Variants in SNAPC4 observed in about 807,000 individuals in gnomAD.
The protein encoded by SNAPC4 is snRNA-activating protein complex subunit 4.
In SNAPC4, 127 loss-of-function variants were observed where a neutral mutation model predicts 151.3. That is an observed-to-expected ratio of 0.84 (90% CI 0.73 to 0.97). The LOEUF is 0.97. SNAPC4 is among the 50% of genes least tolerant of loss of function. The probability of loss-of-function intolerance (pLI) is 0.00; values close to 1 mark genes in which losing one functional copy is unlikely to be tolerated. For synonymous variants in SNAPC4, 1,002 were observed against 824.4 expected (o/e 1.22, Z -3.69); for missense variants, 2,186 against 1,935.0 (o/e 1.13, Z -2.43).
At chr9:136,376,011 G>A (rs940479164) in intron 23 of SNAPC4, among the ~76,000 whole-genome samples, 17 of 152,198 alleles carry the variant, frequency 1.1e-4, no homozygotes, top group Admixed American at 1.0e-3. Context: ...TGGGGATGGT[G>A]ATCGTTTTAC....
intron 21 of SNAPC4, 121 bp downstream of exon 21, chr9:136,379,716 A>T: frequency 1.1e-6 from 1 of 942,114 alleles, no homozygotes; most frequent in Non-Finnish European, 1.7e-6. Context: ...GAGCTCTGTC[A>T]CCAGGGGCCA....
Position 136,383,447 on chromosome 9 carries a change from A to C in SNAPC4, c.1722T>G (p.Pro574=), listed in dbSNP as rs1335825336. The change falls in exon 16 of 24, where the codon CCT becomes CCG. Residue 574 remains proline (P), a synonymous_variant. Coordinates refer to ENST00000684778, the MANE Select transcript of SNAPC4 (RefSeq NM_003086.4). The surrounding 1 kb of genome is among the most constrained non-coding windows in gnomAD (Gnocchi z 4.2). ...YMVPDMDLWV[P]ARQSTSQPWR... ...ATGGCTGGCTGGTGCTCTGCCTGGCAGGAACCCACAGGTCCATGTCCGGGA... is the reference window on the plus strand; with the variant it reads ...ATGGCTGGCTGGTGCTCTGCCTGGCCGGAACCCACAGGTCCATGTCCGGGA... 8.3e-6 allele frequency: 13 copies of C among 1,561,602 alleles called. No homozygotes were observed. In the East Asian group the frequency reaches 2.9e-4, roughly 35 times the overall value.
intron 1 of SNAPC4, among the ~76,000 whole-genome samples, chr9:136,399,625 C>G (rs146178708): frequency 6.6e-6 from 1 of 152,128 alleles, no homozygotes; most frequent in Non-Finnish European, 1.5e-5. Context: ...ATGAGGGCTG[C>G]CCACCAAGAC....
chr9:136,389,823 G>A (rs890215950), intron 10 of SNAPC4, among the ~76,000 whole-genome samples: 1 of 152,204 alleles, frequency 6.6e-6, no homozygotes, highest in Non-Finnish European at 1.5e-5. Context: ...GGGGCTGGAG[G>A]GTGGCTGGAG....
intron 2 of SNAPC4, among the ~76,000 whole-genome samples, chr9:136,398,001 C>T (rs1241090977): frequency 1.3e-5 from 2 of 152,128 alleles, no homozygotes; most frequent in Non-Finnish European, 1.5e-5. Flanking sequence ...AGCTCTCTGG[C>T]TGGAGTACAG....
Position 136,383,547 on chromosome 9 carries a change from CT to C in SNAPC4, c.1621del (p.Ser541AlafsTer127). 1 of 1,353,406 alleles carries C rather than the reference CT, an allele frequency of 7.4e-7. No individual in the cohort carries two copies. Among genetic ancestry groups the C allele is most frequent in the Admixed American group, 1.9e-5 (1 of 51,286 alleles). 83.8% of individuals were successfully genotyped at this position (1,353,406 alleles called of 1,614,324 possible). ...CTGCTCTGGCTCGTCCTCCTCGCTG[CT>C]GCTGCTGCTGCTGCTGCTGCTCCCT... is the stretch of plus-strand genomic sequence containing the variant. ...SGGSSSSSSS[S>X]SEEDEPEQAQ... On this transcript the variant is annotated frameshift_variant, in exon 16 of 24. Transcript: ENST00000684778. LOFTEE classifies it high-confidence loss of function. This position sits in a 1 kb window ranked among gnomAD's most constrained non-coding sequence, Gnocchi z 4.2.
At position 136,378,059 on chromosome 9, in the gene SNAPC4, C is replaced by A; in HGVS notation, c.3768G>T (p.Lys1256Asn). The stretch of plus-strand genomic sequence containing the variant: ...CAGGCCCAGGCTGGGGTAGGGGCGG[C>A]TTCTCCAGGTCCAGGGCCCCCTTCT... Reference protein sequence around the residue: ...GPEKGALDLEKPPLPQPGPEK... With the variant: ...GPEKGALDLENPPLPQPGPEK... The change falls in exon 22 of 24, where the codon AAG (lysine) becomes AAT (asparagine). Residue 1256 changes from lysine to asparagine, a missense_variant. By Grantham distance (94) the Lys-to-Asn change is moderately conservative (BLOSUM62 0). Transcript: ENST00000684778. 1 of 1,577,466 alleles carries A rather than the reference C, an allele frequency of 6.3e-7. No homozygotes were observed.
At chr9:136,390,264 T>TA (rs1479523974) in intron 10 of SNAPC4, among the ~76,000 whole-genome samples, 1 of 151,948 alleles carries the variant, frequency 6.6e-6, no homozygotes, top group African/African-American at 2.4e-5. Flanking sequence ...AGGCTGAAAA[T>TA]ACAGGGATGG....
At chr9:136,389,968 T>C (rs142484263) in intron 10 of SNAPC4, among the ~76,000 whole-genome samples, 420 of 152,264 alleles carry the variant, frequency 2.8e-3, no homozygotes, top group African/African-American at 9.6e-3. Flanking sequence ...CAGAGAAGCA[T>C]GTCTGACTAT....
chr9:136,397,141 G>A lies in SNAPC4; in HGVS notation c.131-118C>T. The stretch of plus-strand genomic sequence containing the variant: ...TTGTGAGGTAGTGACAGCGCCTCAG[G>A]CTGAGGCTGGCGGTGAGCGGACCTT... On this transcript the variant is annotated intron_variant, in intron 2 of 23. Transcript: ENST00000684778. 3.4e-6 allele frequency: 3 copies of A among 892,216 alleles called. No homozygotes were observed. In the Admixed American group the frequency reaches 5.3e-5, roughly 16 times the overall value. The allele number at this position is 892,216 out of a possible 1,614,324, so 55.3% of individuals were successfully genotyped here.
At position 136,383,534 on chromosome 9, in the gene SNAPC4, G is replaced by A. The variant is rs745892118; in HGVS notation, c.1635C>T (p.Asp545=). The change falls in exon 16 of 24, where the codon GAC becomes GAT. Residue 545 remains aspartate (D), a synonymous_variant. Coordinates refer to ENST00000684778, the MANE Select transcript of SNAPC4 (RefSeq NM_003086.4). This position sits in a 1 kb window ranked among gnomAD's most constrained non-coding sequence, Gnocchi z 4.2. ...SSSSSSSSEE[D]EPEQAQAGEG... ...CCCCGGCCTGCGCCTGCTCTGGCTC[G>A]TCCTCCTCGCTGCTGCTGCTGCTGC... The A allele has an allele frequency of 3.4e-5, 54 of 1,593,168 alleles. No homozygotes were observed. The highest frequency in any genetic ancestry group is 4.5e-5 in the South Asian group (4 of 89,502).
In SNAPC4 at chr9:136,383,064, G is replaced by T. The variant is rs1833756298; in HGVS notation, c.1983+122C>A. ...ACAGCTGTCCAGAGCTCAGCCAGAA[G>T]TAGCACGTTCTGATGCACACGAACC... On this transcript the variant is annotated intron_variant, in intron 16 of 23. Coordinates refer to ENST00000684778, the MANE Select transcript of SNAPC4 (RefSeq NM_003086.4). The surrounding 1 kb of genome is among the most constrained non-coding windows in gnomAD (Gnocchi z 4.2). The T allele has an allele frequency of 1.6e-5, 23 of 1,401,128 alleles. No homozygotes were observed. Among genetic ancestry groups the T allele is most frequent in the East Asian group, 5.1e-5 (2 of 39,428 alleles). 86.8% of individuals were successfully genotyped at this position (1,401,128 alleles called of 1,614,324 possible).
Position 136,378,555 on chromosome 9 carries a change from G to A in SNAPC4, c.3272C>T (p.Pro1091Leu). Reference protein sequence around the residue: ...TAQGLLPVPVPAVVSLPRPAG... With the variant: ...TAQGLLPVPVLAVVSLPRPAG... ...TGGCCTGGGAAGGCTCACCACAGCT[G>A]GTACAGGAACAGGGAGAAGCCCCTG... is the stretch of plus-strand genomic sequence containing the variant. The change falls in exon 22 of 24, where the codon CCA becomes CTA. Residue 1091 changes from proline to leucine, a missense_variant. Transcript: ENST00000684778. 6.3e-7 allele frequency: 1 copy of A among 1,593,060 alleles called. No individual in the cohort carries two copies. The highest frequency in any genetic ancestry group is 8.5e-7 in the Non-Finnish European group (1 of 1,173,806).
rs561997508 is a variant in SNAPC4 at position 136,395,800 on chromosome 9, G to A, written c.178-30C>T. 2.6e-5 allele frequency: 41 copies of A among 1,595,752 alleles called. No homozygotes were observed. The East Asian group carries it at 5.2e-4, about 20-fold the overall frequency. ...TAACGAGCCAGAAATGGCATGTGACGAGATGAGACGTGGATGCTCCCCTGT... is the reference window on the plus strand; with the variant it reads ...TAACGAGCCAGAAATGGCATGTGACAAGATGAGACGTGGATGCTCCCCTGT... On this transcript the variant is annotated intron_variant, in intron 3 of 23. Coordinates refer to ENST00000684778, the MANE Select transcript of SNAPC4 (RefSeq NM_003086.4).
chr9:136,380,265 G>C (rs1309506142), intron 20 of SNAPC4, among the ~76,000 whole-genome samples: 1 of 152,120 alleles, frequency 6.6e-6, no homozygotes, highest in Non-Finnish European at 1.5e-5. Flanking sequence ...AGCTCTTCTG[G>C]GGGGTTGGGG....
chr9:136,393,559 G>A (rs1588764225), intron 7 of SNAPC4, among the ~76,000 whole-genome samples: 2 of 152,210 alleles, frequency 1.3e-5, no homozygotes, highest in Admixed American at 1.3e-4. Context: ...CACCCCATCA[G>A]CAAACAGCAG....
At position 136,376,352 on chromosome 9, in the gene SNAPC4, C is replaced by A; in HGVS notation, c.*4G>T. ...GGCCTCCCCACTCAGGACTCACCTG[C>A]TGCTCACACCAGCCGCCTCCGCTTC... On this transcript the variant is annotated 3_prime_UTR_variant, in exon 23 of 24. Transcript: ENST00000684778. 1 of 1,613,026 alleles carries A rather than the reference C, an allele frequency of 6.2e-7. No individual in the cohort carries two copies. Among genetic ancestry groups the A allele is most frequent in the East Asian group, 2.2e-5 (1 of 44,886 alleles).
intron 22 of SNAPC4, 150 bp downstream of exon 22, chr9:136,377,393 C>T (rs916935331): frequency 2.0e-6 from 2 of 1,015,758 alleles, no homozygotes; most frequent in Non-Finnish European, 2.7e-6. Flanking sequence ...CTGGGCAGGC[C>T]AGGAACCAGC....
At chr9:136,381,225 G>C (rs1833678363) in intron 19 of SNAPC4, 97 bp downstream of exon 19, 7 of 969,326 alleles carry the variant, frequency 7.2e-6, no homozygotes, top group Middle Eastern at 2.1e-4. Flanking sequence ...ACTTTAGATA[G>C]CTAGACTTTA....
Sources: allele counts gnomAD v4.1 joint callset (sites outside exome capture counted in the v4.1 genomes callset), GRCh38; gene constraint gnomAD v4.1.1; non-coding constraint Gnocchi (gnomAD v3.1); transcripts MANE v1.5; gene names NCBI Gene and HGNC (gene_info 2026-07-23, HGNC 2026-07-21).